CTTNBP2: variants seen among roughly 807,000 people sequenced by gnomAD.
CTTNBP2 encodes cortactin-binding protein 2.
In CTTNBP2, 108 loss-of-function variants were observed where a neutral mutation model predicts 156.9. The observed-to-expected ratio is 0.69, with a 90% CI of 0.59 to 0.81. CTTNBP2 has a LOEUF of 0.81. Among genes scored for constraint, CTTNBP2 ranks in the 30% least tolerant of loss-of-function variants. The pLI, the probability that CTTNBP2 is intolerant of heterozygous loss-of-function variation, is 0.00. For missense variants in CTTNBP2, 1,924 were observed against 2,035.4 expected, an observed-to-expected ratio of 0.95 and a Z score of 1.05; for synonymous variants, 767 against 751.8, an observed-to-expected ratio of 1.02 and a Z score of -0.33.
intron 8 of CTTNBP2, among the ~76,000 whole-genome samples, chr7:117,774,073 TTTCGTTAAGAAAC>T (rs1203031130): frequency 6.6e-6 from 1 of 152,156 alleles, no homozygotes; most frequent in African/African-American, 2.4e-5. Flanking sequence ...GAACAGGAAG[TTTCGTTAAGAAAC>T]TCATGTATCT....
At chr7:117,864,818 CAATA>C (rs1480740347) in intron 1 of CTTNBP2, among the ~76,000 whole-genome samples, 3 of 137,420 alleles carry the variant, frequency 2.2e-5, no homozygotes, top group Admixed American at 7.3e-5. Context: ...TATATTCATT[CAATA>C]TATATTCATA....
At chr7:117,717,140 CA>C in intron 22 of CTTNBP2, among the ~76,000 whole-genome samples, 1 of 152,304 alleles carries the variant, frequency 6.6e-6, no homozygotes, top group East Asian at 1.9e-4. Flanking sequence ...CATGCTGTGC[CA>C]GCTCTTGCCA....
In CTTNBP2 at chr7:117,719,604, T is replaced by C; in HGVS notation, c.4544A>G (p.Asn1515Ser). 1 of 1,613,804 alleles carries C rather than the reference T, an allele frequency of 6.2e-7. No homozygotes were observed. The highest frequency in any genetic ancestry group is 2.2e-5 in the East Asian group (1 of 44,862). ...ACCCAGAGAGAGTCTCTGATCCAAATTCAACGTCAGTGATAGATCATTCTC... is the reference window on the plus strand; with the variant it reads ...ACCCAGAGAGAGTCTCTGATCCAAACTCAACGTCAGTGATAGATCATTCTC... ...SLENDLSLTLNLDQRLSLGSD... is the reference protein window; with the variant it reads ...SLENDLSLTLSLDQRLSLGSD... The change falls in exon 21 of 23, where the codon AAT becomes AGT. Residue 1515 changes from asparagine to serine, a missense_variant. Asn to Ser is a conservative substitution (Grantham distance 46). Transcript: ENST00000160373.
chr7:117,807,885 G>A (rs1206317319), intron 3 of CTTNBP2, among the ~76,000 whole-genome samples: 2 of 152,186 alleles, frequency 1.3e-5, no homozygotes, highest in African/African-American at 4.8e-5. Context: ...GAACCACGAT[G>A]TAAGCCAACT....
chr7:117,779,051 C>A (rs1198251270), intron 7 of CTTNBP2, among the ~76,000 whole-genome samples: 1 of 152,126 alleles, frequency 6.6e-6, no homozygotes, highest in African/African-American at 2.4e-5. Flanking sequence ...TTTGGTATCT[C>A]ATACCAATAA....
Position 117,792,492 on chromosome 7 carries a change from T to C in CTTNBP2, c.704A>G (p.Asp235Gly). 6.2e-7 allele frequency: 1 copy of C among 1,614,224 alleles called. No individual in the cohort carries two copies. The highest frequency in any genetic ancestry group is 8.5e-7 in the Non-Finnish European group (1 of 1,180,036). ...GGCACGAAGCTGTTCCCGCTCAGTGTCAAACTCAGAGAGTTGTTTTTCCAT... is the reference window on the plus strand; with the variant it reads ...GGCACGAAGCTGTTCCCGCTCAGTGCCAAACTCAGAGAGTTGTTTTTCCAT... Reference protein sequence around the residue: ...AQMEKQLSEFDTEREQLRAKL... With the variant: ...AQMEKQLSEFGTEREQLRAKL... Residue 235 changes from aspartate (D) to glycine (G), a missense_variant, in exon 4 of 23, where the codon GAC becomes GGC. Coordinates refer to ENST00000160373, the MANE Select transcript of CTTNBP2 (RefSeq NM_033427.3). The surrounding 1 kb of genome is among the most constrained non-coding windows in gnomAD (Gnocchi z 4.2).
chr7:117,783,113 T>C lies in CTTNBP2; in HGVS notation c.2273-152A>G. ...CCATCATGGCAGACCTGAGACTCTGTAGACTATTTTACAGGAAAAGCAGCC... is the reference window on the plus strand; with the variant it reads ...CCATCATGGCAGACCTGAGACTCTGCAGACTATTTTACAGGAAAAGCAGCC... On this transcript the variant is annotated intron_variant, in intron 5 of 22. Coordinates refer to ENST00000160373, the MANE Select transcript of CTTNBP2 (RefSeq NM_033427.3). 3 of 561,432 alleles carry C rather than the reference T, an allele frequency of 5.3e-6. No individual in the cohort carries two copies. In the South Asian group the frequency reaches 8.0e-5, roughly 15 times the overall value. The allele number at this position is 561,432 out of a possible 1,614,324, so 34.8% of individuals were successfully genotyped here.
At chr7:117,848,265 A>G (rs1802722842) in intron 2 of CTTNBP2, among the ~76,000 whole-genome samples, 1 of 152,174 alleles carries the variant, frequency 6.6e-6, no homozygotes, top group Non-Finnish European at 1.5e-5. Flanking sequence ...GATCTGCTGC[A>G]GATTCAGTTC....
intron 2 of CTTNBP2, among the ~76,000 whole-genome samples, chr7:117,815,639 G>C (rs894766824): frequency 5.3e-5 from 8 of 152,064 alleles, no homozygotes; most frequent in African/African-American, 1.9e-4. Context: ...TGTATGCAGG[G>C]GCCAGGTAGC....
rs1171518742 is a variant in CTTNBP2 at position 117,745,861 on chromosome 7, C to G, written c.3505G>C (p.Glu1169Gln). Residue 1169 changes from glutamate to glutamine, a missense_variant, in exon 14 of 23, where the codon GAA (glutamate) becomes CAA (glutamine). Physicochemically the swap from Glu to Gln is conservative, Grantham distance 29. Transcript: ENST00000160373. ...CTAATGAACAGGTCTAGTAGCTGTT[C>G]CTTGGAAAAACCAGCATCTACTTCA... Reference protein sequence around the residue: ...RAEVDAGFSKEQLLDLFISSA... With the variant: ...RAEVDAGFSKQQLLDLFISSA... 6.2e-7 allele frequency: 1 copy of G among 1,613,838 alleles called. No homozygotes were observed. The highest frequency in any genetic ancestry group is 1.3e-5 in the African/African-American group (1 of 74,924).
intron 14 of CTTNBP2, among the ~76,000 whole-genome samples, chr7:117,740,478 G>A (rs1290357373): frequency 6.6e-6 from 1 of 152,096 alleles, no homozygotes; most frequent in African/African-American, 2.4e-5. Context: ...CATAGTTTAA[G>A]GCTCTCTCTT....
At chr7:117,723,351 TATACTC>T (rs542912347) in intron 19 of CTTNBP2, among the ~76,000 whole-genome samples, 138 of 152,068 alleles carry the variant, frequency 9.1e-4, no homozygotes, top group Non-Finnish European at 1.1e-3. Flanking sequence ...AAAATGAAAA[TATACTC>T]ATAACTAAAA....
In CTTNBP2 at chr7:117,791,710, G is replaced by C; in HGVS notation, c.1486C>G (p.Leu496Val). 1 of 1,614,220 alleles carries C rather than the reference G, an allele frequency of 6.2e-7. No individual in the cohort carries two copies. The highest frequency in any genetic ancestry group is 8.5e-7 in the Non-Finnish European group (1 of 1,180,042). Residue 496 changes from leucine to valine, a missense_variant, in exon 4 of 23, where the codon CTG (leucine) becomes GTG (valine). Coordinates refer to ENST00000160373, the MANE Select transcript of CTTNBP2 (RefSeq NM_033427.3). ...GCTTGAGGGCTTGTAAATCTTGACA[G>C]TGCTTGGGTCACAGTATTCCGAGCT... ...QLARNTVTQA[L>V]SRFTSPQAGA...
intron 2 of CTTNBP2, among the ~76,000 whole-genome samples, chr7:117,850,363 C>A (rs984427100): frequency 1.1e-4 from 17 of 152,140 alleles, no homozygotes; most frequent in Non-Finnish European, 2.2e-4. Context: ...CTTCTTAAAA[C>A]AAAACAAACA....
intron 9 of CTTNBP2, 80 bp from the exon 10 acceptor site, chr7:117,760,790 G>T (rs1451298706): frequency 3.3e-6 from 3 of 914,824 alleles, no homozygotes; most frequent in African/African-American, 1.7e-5. Context: ...AAAATAAGCA[G>T]ATATAAACAT....
chr7:117,735,903 G>T (rs1795662001), intron 14 of CTTNBP2, among the ~76,000 whole-genome samples: 1 of 152,144 alleles, frequency 6.6e-6, no homozygotes, highest in Non-Finnish European at 1.5e-5. Context: ...GCTAAGAAAT[G>T]ATTATCATGA....
intron 2 of CTTNBP2, among the ~76,000 whole-genome samples, chr7:117,813,005 A>G (rs538410908): frequency 5.9e-5 from 9 of 152,184 alleles, no homozygotes; most frequent in Admixed American, 5.9e-4. Context: ...CCTTTTCCCA[A>G]AACCTTCTCC....
chr7:117,770,182 A>G (rs1336264434), intron 8 of CTTNBP2, among the ~76,000 whole-genome samples: 1 of 152,244 alleles, frequency 6.6e-6, no homozygotes, highest in East Asian at 1.9e-4. Flanking sequence ...AAGTGTTATT[A>G]CTTCAGATTA....
At chr7:117,829,416 G>C (rs954413024) in intron 2 of CTTNBP2, among the ~76,000 whole-genome samples, 1 of 152,228 alleles carries the variant, frequency 6.6e-6, no homozygotes, top group Non-Finnish European at 1.5e-5. Flanking sequence ...GGAAGTGTTG[G>C]TTTAGGCAAG....
Sources: allele counts gnomAD v4.1 joint callset (sites outside exome capture counted in the v4.1 genomes callset), GRCh38; gene constraint gnomAD v4.1.1; non-coding constraint Gnocchi (gnomAD v3.1); transcripts MANE v1.5; gene names NCBI Gene and HGNC (gene_info 2026-07-23, HGNC 2026-07-21).